Variants in KIAA0825 observed in about 807,000 individuals in gnomAD.
KIAA0825 encodes KIAA0825, also known as uncharacterized protein KIAA0825.
A neutral mutation model predicts 147.6 loss-of-function variants in KIAA0825; 119 were observed. The ratio of observed to expected loss-of-function variants is 0.81; its 90% CI spans 0.69 to 0.94. The LOEUF (loss-of-function observed/expected upper bound fraction) is 0.94, where lower values mean the gene tolerates loss of function less well. Ranked by LOEUF, KIAA0825 falls within the 40% of genes least tolerant of loss-of-function variation. The pLI is 0.00. For missense variants in KIAA0825, 1,381 were observed against 1,472.7 expected (o/e 0.94, Z 1.02); for synonymous variants, 470 against 518.1 (o/e 0.91, Z 1.26).
intron 2 of KIAA0825, chr5:94,569,152 C>A: frequency 5.3e-6 from 1 of 188,726 alleles, no homozygotes; most frequent in South Asian, 1.9e-4. Flanking sequence ...TTTTTTTACC[C>A]ATAACACTAA....
chr5:94,397,595 G>T (rs757636090), intron 16 of KIAA0825, among the ~76,000 whole-genome samples: 4 of 151,986 alleles, frequency 2.6e-5, no homozygotes, highest in Admixed American at 6.6e-5. Flanking sequence ...TCTGTATCAG[G>T]GTTTCTCAAC....
At chr5:94,515,125 G>T (rs963693773) in intron 5 of KIAA0825, among the ~76,000 whole-genome samples, 5 of 151,948 alleles carry the variant, frequency 3.3e-5, no homozygotes, top group African/African-American at 1.2e-4. Flanking sequence ...AAATACAGAG[G>T]ATTTATTTAA....
chr5:94,565,591 G>A (rs1036534705), intron 2 of KIAA0825, among the ~76,000 whole-genome samples: 4 of 151,916 alleles, frequency 2.6e-5, no homozygotes, highest in South Asian at 2.1e-4. Context: ...ATCCACCCCC[G>A]TCAGCCTCCC....
intron 3 of KIAA0825, among the ~76,000 whole-genome samples, chr5:94,529,000 A>G (rs1259410531): frequency 6.6e-6 from 1 of 151,768 alleles, no homozygotes; most frequent in Non-Finnish European, 1.5e-5. Flanking sequence ...GAATGTACGT[A>G]ATAATGGGAA....
intron 1 of KIAA0825, among the ~76,000 whole-genome samples, chr5:94,616,603 T>C (rs1407075786): frequency 6.6e-6 from 1 of 152,130 alleles, no homozygotes; most frequent in Non-Finnish European, 1.5e-5. Flanking sequence ...TCTAAAGAGA[T>C]AGTTAGCTGA....
intron 20 of KIAA0825, among the ~76,000 whole-genome samples, chr5:94,382,726 ATACACT>A (rs1391005286): frequency 6.6e-6 from 1 of 152,196 alleles, no homozygotes; most frequent in African/African-American, 2.4e-5. Context: ...TCTCAAGAAA[ATACACT>A]TTAACAGCTA....
chr5:94,182,183 A>G (rs143558138), intron 20 of KIAA0825, among the ~76,000 whole-genome samples: 148 of 147,550 alleles, frequency 1.0e-3, no homozygotes, highest in African/African-American at 3.6e-3. Flanking sequence ...AGCTGTTCAT[A>G]CCAAGGAAGA....
intron 14 of KIAA0825, among the ~76,000 whole-genome samples, chr5:94,438,844 C>T (rs1371327336): frequency 1.3e-5 from 2 of 152,176 alleles, no homozygotes; most frequent in African/African-American, 4.8e-5. Flanking sequence ...TGACATTTGC[C>T]TCATTCACAT....
intron 20 of KIAA0825, among the ~76,000 whole-genome samples, chr5:94,194,565 C>T (rs982709368): frequency 2.0e-5 from 3 of 152,190 alleles, no homozygotes; most frequent in East Asian, 1.9e-4. Flanking sequence ...TCCAAGCCAA[C>T]GGCTGGCCAC....
At chr5:94,334,252 C>G (rs1781569921) in intron 20 of KIAA0825, among the ~76,000 whole-genome samples, 1 of 152,194 alleles carries the variant, frequency 6.6e-6, no homozygotes, top group African/African-American at 2.4e-5. Context: ...AAGTCTCAGC[C>G]AGTGCAGTAA....
chr5:94,532,825 TAAA>T (rs61008891), intron 3 of KIAA0825, among the ~76,000 whole-genome samples: 4 of 136,502 alleles, frequency 2.9e-5, no homozygotes, highest in African/African-American at 2.7e-5. Flanking sequence ...TTCTTTAGAT[TAAA>T]AAAAAAAAAA....
chr5:94,605,596 C>T (rs761519796), intron 1 of KIAA0825, among the ~76,000 whole-genome samples: 2 of 152,162 alleles, frequency 1.3e-5, no homozygotes, highest in Non-Finnish European at 2.9e-5. Flanking sequence ...TCCCAGGATG[C>T]AAGGTTGGTT....
chr5:94,590,778 G>A (rs1030448516), intron 1 of KIAA0825, among the ~76,000 whole-genome samples: 1 of 152,130 alleles, frequency 6.6e-6, no homozygotes, highest in Non-Finnish European at 1.5e-5. Context: ...TCTAAGGAAA[G>A]GCAAATGTGT....
chr5:94,610,927 T>C (rs988036524), intron 1 of KIAA0825, among the ~76,000 whole-genome samples: 1 of 151,762 alleles, frequency 6.6e-6, no homozygotes, highest in Admixed American at 6.6e-5. Context: ...CACTGCTCAG[T>C]TTAAACTCCT....
chr5:94,288,706 A>C (rs901940004), intron 20 of KIAA0825, among the ~76,000 whole-genome samples: 1 of 152,206 alleles, frequency 6.6e-6, no homozygotes, highest in Non-Finnish European at 1.5e-5. Context: ...GCTTTTGTAA[A>C]AATAATGGAA....
chr5:94,151,659 A>G lies in KIAA0825; in HGVS notation c.*2348T>C, dbSNP rs1357173376. 6.6e-6 allele frequency among the ~76,000 whole-genome samples: 1 copy of G among 152,098 alleles called. No homozygotes were observed. Among genetic ancestry groups the G allele is most frequent in the Non-Finnish European group, 1.5e-5 (1 of 68,022 alleles). ...CCTTACTATACTTCCTTTCTTTCAA[A>G]AGGGAGCCACAGAAAAGATTTTTTC... On this transcript the variant is annotated 3_prime_UTR_variant, in exon 21 of 21. Transcript: ENST00000682413.
intron 20 of KIAA0825, among the ~76,000 whole-genome samples, chr5:94,227,396 G>A (rs931932019): frequency 1.3e-5 from 2 of 151,372 alleles, no homozygotes; most frequent in Non-Finnish European, 2.9e-5. Context: ...GGGGACTGTT[G>A]TGGGGTGGGG....
chr5:94,214,014 A>G (rs564203841), intron 20 of KIAA0825, among the ~76,000 whole-genome samples: 2 of 152,236 alleles, frequency 1.3e-5, no homozygotes, highest in South Asian at 4.1e-4. Context: ...CACATTCACA[A>G]TGATTTATTT....
intron 2 of KIAA0825, among the ~76,000 whole-genome samples, chr5:94,538,415 A>T (rs1011192232): frequency 8.5e-5 from 13 of 152,220 alleles, no homozygotes; most frequent in African/African-American, 2.9e-4. Context: ...CTCTTACGAC[A>T]TCTGCTTAAA....
Sources: gnomAD v4.1 joint callset for allele counts (sites outside exome capture counted in the v4.1 genomes callset) on GRCh38, gnomAD v4.1.1 for gene constraint, MANE v1.5 for transcripts, NCBI Gene and HGNC (gene_info 2026-07-23, HGNC 2026-07-21) for gene names.